The following RBFOX1 variants were observed in gnomAD, a reference collection of about 807,000 sequenced individuals.
RBFOX1 encodes the protein RNA binding protein fox-1 homolog 1.
A neutral mutation model predicts 57.7 loss-of-function variants in RBFOX1; 8 were observed. That is an observed-to-expected ratio of 0.14 (90% CI 0.08 to 0.25). The LOEUF is 0.25. Ranked by LOEUF, RBFOX1 falls within the 10% of genes least tolerant of loss-of-function variation. The pLI is 1.00. For missense variants in RBFOX1, 611 were observed against 548.5 expected (o/e 1.11, Z -1.14); for synonymous variants, 326 against 222.4 (o/e 1.47, Z -4.15).
intron 4 of RBFOX1, among the ~76,000 whole-genome samples, chr16:7,262,980 G>C (rs993016102): frequency 3.3e-5 from 5 of 152,188 alleles, no homozygotes; most frequent in African/African-American, 1.2e-4. Flanking sequence ...ACTCTAGGAA[G>C]TGTTAGAGGG....
At chr16:6,682,061 A>C (rs947483569) in intron 3 of RBFOX1, among the ~76,000 whole-genome samples, 2 of 152,184 alleles carry the variant, frequency 1.3e-5, no homozygotes, top group East Asian at 3.8e-4. Context: ...TACTGGATCC[A>C]GTTTGTTTTG....
chr16:6,520,340 A>C (rs1237023940), intron 2 of RBFOX1, among the ~76,000 whole-genome samples: 1 of 152,190 alleles, frequency 6.6e-6, no homozygotes, highest in Non-Finnish European at 1.5e-5. Flanking sequence ...CCTTGTGAGG[A>C]ATTCAGATTT....
chr16:7,187,133 C>T (rs76468636), intron 4 of RBFOX1, among the ~76,000 whole-genome samples: 9,778 of 151,850 alleles, frequency 0.064, 424 homozygotes, highest in Non-Finnish European at 0.094. Context: ...GGTGCCACTG[C>T]ACTCCAGCTT....
At chr16:5,783,164 A>AT (rs34540154) in intron 3 of RBFOX1, among the ~76,000 whole-genome samples, 40,094 of 151,972 alleles carry the variant, frequency 0.26, 5,871 homozygotes, top group East Asian at 0.55. Context: ...TTTACATGCA[A>AT]AAACACACAA....
chr16:6,148,346 A>G (rs2096774026), intron 1 of RBFOX1, among the ~76,000 whole-genome samples: 1 of 151,992 alleles, frequency 6.6e-6, no homozygotes, highest in African/African-American at 2.4e-5. Flanking sequence ...AAACAAACAA[A>G]CTGCCAATGT....
At chr16:6,725,610 G>T (rs928374539) in intron 3 of RBFOX1, among the ~76,000 whole-genome samples, 2 of 152,006 alleles carry the variant, frequency 1.3e-5, no homozygotes, top group Admixed American at 6.6e-5. Context: ...TCAGCTCTTG[G>T]GGCTGCTATG....
intron 2 of RBFOX1, among the ~76,000 whole-genome samples, chr16:6,398,149 A>G (rs1210090881): frequency 6.6e-6 from 1 of 152,158 alleles, no homozygotes; most frequent in Non-Finnish European, 1.5e-5. Context: ...TTAGAAAACC[A>G]TCAGATCTCA....
intron 4 of RBFOX1, among the ~76,000 whole-genome samples, chr16:7,085,788 C>T (rs1443032136): frequency 1.3e-5 from 2 of 152,134 alleles, no homozygotes; most frequent in Non-Finnish European, 2.9e-5. Context: ...TTCAGAACTT[C>T]TCCCAAGTAG....
chr16:6,532,462 TC>T (rs1241374265), intron 2 of RBFOX1, among the ~76,000 whole-genome samples: 2 of 152,162 alleles, frequency 1.3e-5, no homozygotes, highest in Non-Finnish European at 2.9e-5. Context: ...TGGAGGACCC[TC>T]CAGTTACTTT....
chr16:6,321,040 T>C (rs2081725921), intron 2 of RBFOX1, among the ~76,000 whole-genome samples: 1 of 152,180 alleles, frequency 6.6e-6, no homozygotes, highest in Non-Finnish European at 1.5e-5. Context: ...GTGATCCTCC[T>C]ACGTCGGCCT....
chr16:5,790,386 A>T (rs553851247), intron 3 of RBFOX1, among the ~76,000 whole-genome samples: 1 of 152,172 alleles, frequency 6.6e-6, no homozygotes, highest in South Asian at 2.1e-4. Flanking sequence ...ACAGAGAAGG[A>T]TGGGGCCGTA....
At chr16:6,754,241 A>C (rs2075419648) in intron 3 of RBFOX1, among the ~76,000 whole-genome samples, 1 of 152,078 alleles carries the variant, frequency 6.6e-6, no homozygotes, top group Non-Finnish European at 1.5e-5. Flanking sequence ...GACAATGTTC[A>C]CCTGCTTTAT....
intron 3 of RBFOX1, among the ~76,000 whole-genome samples, chr16:6,934,177 G>A (rs1464551106): frequency 6.6e-6 from 1 of 152,116 alleles, no homozygotes; most frequent in Non-Finnish European, 1.5e-5. Context: ...AACAGTATGT[G>A]CATACCTAGC....
At chr16:5,541,278 T>G (rs1471554859) in intron 2 of RBFOX1, among the ~76,000 whole-genome samples, 2 of 152,140 alleles carry the variant, frequency 1.3e-5, no homozygotes, top group African/African-American at 2.4e-5. Flanking sequence ...TTGTGAACGC[T>G]GAAAATCTGA....
chr16:6,361,111 A>T (rs1007420706), intron 2 of RBFOX1, among the ~76,000 whole-genome samples: 7 of 152,124 alleles, frequency 4.6e-5, no homozygotes, highest in Non-Finnish European at 8.8e-5. Context: ...TTTCTCATAC[A>T]TTACAAATAT....
At chr16:6,709,088 A>G (rs2063294294) in intron 3 of RBFOX1, among the ~76,000 whole-genome samples, 1 of 152,148 alleles carries the variant, frequency 6.6e-6, no homozygotes, top group South Asian at 2.1e-4. Flanking sequence ...AGCACAGATT[A>G]TTAAAATAAT....
intron 1 of RBFOX1, among the ~76,000 whole-genome samples, chr16:5,443,087 G>T (rs910614397): frequency 1.2e-4 from 18 of 152,186 alleles, no homozygotes; most frequent in Non-Finnish European, 2.9e-5. Flanking sequence ...TGGAGGGAGG[G>T]TAGCCTGCTG....
chr16:7,137,148 T>G (rs2072254247), intron 4 of RBFOX1, among the ~76,000 whole-genome samples: 1 of 152,246 alleles, frequency 6.6e-6, no homozygotes, highest in Admixed American at 6.5e-5. Flanking sequence ...GCAGTGGGTT[T>G]CTAGGTACAT....
At chr16:6,902,577 C>T (rs892517646) in intron 3 of RBFOX1, among the ~76,000 whole-genome samples, 8 of 152,006 alleles carry the variant, frequency 5.3e-5, no homozygotes, top group African/African-American at 1.9e-4. Flanking sequence ...CAAAAATTGG[C>T]CAAGTATGGT....
Sources: gnomAD v4.1 joint callset for allele counts (sites outside exome capture counted in the v4.1 genomes callset) on GRCh38, gnomAD v4.1.1 for gene constraint, MANE v1.5 for transcripts, NCBI Gene and HGNC (gene_info 2026-07-23, HGNC 2026-07-21) for gene names.